PIEZO2: variants seen among roughly 807,000 people sequenced by gnomAD.
The protein encoded by PIEZO2 is piezo type mechanosensitive ion channel component 2, also known as piezo-type mechanosensitive ion channel component 2.
A neutral mutation model predicts 337.3 loss-of-function variants in PIEZO2; 172 were observed. The observed-to-expected ratio is 0.51, with a 90% CI of 0.45 to 0.58. The LOEUF (loss-of-function observed/expected upper bound fraction) is 0.58, where lower values mean the gene tolerates loss of function less well. Among genes scored for constraint, PIEZO2 ranks in the 20% least tolerant of loss-of-function variants. PIEZO2 has a pLI of 0.00. For synonymous variants in PIEZO2, 1,251 were observed against 1,228.5 expected, an observed-to-expected ratio of 1.02 and a Z score of -0.38; for missense variants, 3,028 against 3,391.3, an observed-to-expected ratio of 0.89 and a Z score of 2.66.
intron 2 of PIEZO2, among the ~76,000 whole-genome samples, chr18:11,057,760 G>A (rs1232086872): frequency 6.6e-6 from 1 of 152,210 alleles, no homozygotes; most frequent in Non-Finnish European, 1.5e-5. Context: ...AAAAATCCAT[G>A]ATTCTGTAAG....
chr18:11,041,212 A>G (rs1345815046), intron 2 of PIEZO2, among the ~76,000 whole-genome samples: 3 of 152,246 alleles, frequency 2.0e-5, no homozygotes, highest in African/African-American at 7.2e-5. Flanking sequence ...AGGGAACCCT[A>G]AACAGTCATG....
chr18:10,829,622 C>G (rs909589220), intron 7 of PIEZO2, among the ~76,000 whole-genome samples: 8 of 152,070 alleles, frequency 5.3e-5, no homozygotes, highest in Non-Finnish European at 7.4e-5. Flanking sequence ...TAAAAATCAA[C>G]ATACAAAAAT....
chr18:10,857,152 T>A lies in PIEZO2; in HGVS notation c.552A>T (p.Gly184=). 2.6e-6 allele frequency: 4 copies of A among 1,537,890 alleles called. No individual in the cohort carries two copies. Among genetic ancestry groups the A allele is most frequent in the Non-Finnish European group, 3.5e-6 (4 of 1,147,040 alleles). ...CCAACTCGCCTTCAACACCATCTCC[T>A]CCATTGAAATCCTCTTCATAGATCA... is the stretch of plus-strand genomic sequence containing the variant. ...EALIYEEDFN[G]GDGVEGELEE... The change falls in exon 6 of 56, where the codon GGA becomes GGT. Residue 184 remains glycine (G), a synonymous_variant. Transcript: ENST00000674853.
At chr18:10,681,132 T>C (rs1394970050) in intron 51 of PIEZO2, among the ~76,000 whole-genome samples, 1 of 152,220 alleles carries the variant, frequency 6.6e-6, no homozygotes, top group Non-Finnish European at 1.5e-5. Context: ...TAGAAAATCT[T>C]TGGACAACAT....
chr18:10,672,207 G>C lies in PIEZO2; in HGVS notation c.8346-428C>G, dbSNP rs1204102261. ...TCAGATTAATTTTTATAAAATTCTG[G>C]GTGAAAATCATTTCTTATGAGGCTA... is the stretch of plus-strand genomic sequence containing the variant. On this transcript the variant is annotated intron_variant, in intron 55 of 55. Coordinates refer to ENST00000674853, the MANE Select transcript of PIEZO2 (RefSeq NM_001378183.1). This position sits in a 1 kb window ranked among gnomAD's most constrained non-coding sequence, Gnocchi z 4.7. 3.9e-5 allele frequency among the ~76,000 whole-genome samples: 6 copies of C among 151,908 alleles called. No individual in the cohort carries two copies. Among genetic ancestry groups the C allele is most frequent in the Admixed American group, 1.3e-4 (2 of 15,248 alleles).
At position 10,846,036 on chromosome 18, in the gene PIEZO2, T is replaced by C. The variant is rs1021737610; in HGVS notation, c.917+9317A>G. ...GGTGTATGAAGATTGATGATGACCT[T>C]TCTGGAAAATAATTTCCCCACACAT... On this transcript the variant is annotated intron_variant, in intron 7 of 55. Transcript: ENST00000674853. The surrounding 1 kb of genome is among the most constrained non-coding windows in gnomAD (Gnocchi z 4.1). 2.0e-5 allele frequency among the ~76,000 whole-genome samples: 3 copies of C among 152,164 alleles called. No homozygotes were observed. The highest frequency in any genetic ancestry group is 7.2e-5 in the African/African-American group (3 of 41,418).
chr18:10,682,341 C>T lies in PIEZO2; in HGVS notation c.7498-49G>A. 6.8e-7 allele frequency: 1 copy of T among 1,477,686 alleles called. No homozygotes were observed. The highest frequency in any genetic ancestry group is 9.0e-7 in the Non-Finnish European group (1 of 1,107,490). 91.5% of individuals were successfully genotyped at this position (1,477,686 alleles called of 1,614,324 possible). A position where few individuals can be genotyped will look rare whatever the true frequency, so the allele number is the denominator to read the frequency against. ...GCTCAGGCTCAGGCTCAGGTGCTTTCCCGCAGGCAGCGGGATTGGGGGAGA... is the reference window on the plus strand; with the variant it reads ...GCTCAGGCTCAGGCTCAGGTGCTTTTCCGCAGGCAGCGGGATTGGGGGAGA... On this transcript the variant is annotated intron_variant, in intron 49 of 55. Coordinates refer to ENST00000674853, the MANE Select transcript of PIEZO2 (RefSeq NM_001378183.1). This position sits in a 1 kb window ranked among gnomAD's most constrained non-coding sequence, Gnocchi z 5.6.
At position 10,833,171 on chromosome 18, in the gene PIEZO2, G is replaced by A. The variant is rs1442064522; in HGVS notation, c.917+22182C>T. 6.6e-6 allele frequency among the ~76,000 whole-genome samples: 1 copy of A among 152,190 alleles called. No individual in the cohort carries two copies. Among genetic ancestry groups the A allele is most frequent in the African/African-American group, 2.4e-5 (1 of 41,444 alleles). Reference sequence around the variant, plus strand: ...GCAACACCCAAGGAACACAGTGGCAGGATGGGGCAGTCGTCATGAACATGG... The same window carrying A: ...GCAACACCCAAGGAACACAGTGGCAAGATGGGGCAGTCGTCATGAACATGG... On this transcript the variant is annotated intron_variant, in intron 7 of 55. Transcript: ENST00000674853. The surrounding 1 kb of genome is among the most constrained non-coding windows in gnomAD (Gnocchi z 4.7).
intron 2 of PIEZO2, among the ~76,000 whole-genome samples, chr18:11,050,815 T>C (rs2037497483): frequency 6.9e-6 from 1 of 144,810 alleles, no homozygotes; most frequent in Non-Finnish European, 1.5e-5. Flanking sequence ...AAATTAATAA[T>C]AAATTTTGAG....
Position 10,888,144 on chromosome 18 carries a change from CTGCAAGTAAGCACT to C in PIEZO2, c.330-16743_330-16730del, listed in dbSNP as rs1026347534. Among the ~76,000 whole-genome samples, 39 of 152,274 alleles carry C rather than the reference CTGCAAGTAAGCACT, an allele frequency of 2.6e-4. No individual in the cohort carries two copies. The highest frequency in any genetic ancestry group is 7.5e-4 in the African/African-American group (31 of 41,540). ...CCCCTAAATATGAATTGGTATTTGG[CTGCAAGTAAGCACT>C]TGCAAGTAAGCACTTCCTCTTACCT... On this transcript the variant is annotated intron_variant, in intron 4 of 55. Coordinates refer to ENST00000674853, the MANE Select transcript of PIEZO2 (RefSeq NM_001378183.1). This position sits in a 1 kb window ranked among gnomAD's most constrained non-coding sequence, Gnocchi z 4.1.
At chr18:10,744,966 C>T (rs191515703) in intron 30 of PIEZO2, among the ~76,000 whole-genome samples, 3 of 152,324 alleles carry the variant, frequency 2.0e-5, no homozygotes, top group East Asian at 1.9e-4. Context: ...GCAGAGCCCC[C>T]GCCTCCTTGG....
rs2039335545 is a variant in PIEZO2, at chr18:10,789,321, C to T, written c.1927G>A (p.Glu643Lys). The stretch of plus-strand genomic sequence containing the variant: ...TCTTCCTTCGCTTCCTCTTCTTCCT[C>T]CTCTTTGGGCTCTCCTTCCACTTGT... ...DIQVEGEPKEEEEEEAKEEKQ... is the reference protein window; with the variant it reads ...DIQVEGEPKEKEEEEAKEEKQ... Residue 643 changes from glutamate (E) to lysine (K), a missense_variant, in exon 15 of 56, where the codon GAG (glutamate) becomes AAG (lysine). This residue lies in a region of PIEZO2 where 1,925 missense variants were observed against 2,051.9 expected (regional missense o/e 0.94). Coordinates refer to ENST00000674853, the MANE Select transcript of PIEZO2 (RefSeq NM_001378183.1). 7 of 1,537,282 alleles carry T rather than the reference C, an allele frequency of 4.6e-6. No homozygotes were observed. The highest frequency in any genetic ancestry group is 6.1e-6 in the Non-Finnish European group (7 of 1,146,894).
At position 10,769,466 on chromosome 18, in the gene PIEZO2, G is replaced by A. The variant is rs146730309; in HGVS notation, c.2946+682C>T. Among the ~76,000 whole-genome samples the A allele has an allele frequency of 1.8e-4, 28 of 152,316 alleles. 1 individual carries two copies. The highest frequency in any genetic ancestry group is 6.7e-4 in the African/African-American group (28 of 41,586). On this transcript the variant is annotated intron_variant, in intron 21 of 55. Transcript: ENST00000674853. Reference sequence around the variant, plus strand: ...GTTGTGATATTTTACTGTTATATATGTAACTTTTTAAAGATTATAGGCAGT... The same window carrying A: ...GTTGTGATATTTTACTGTTATATATATAACTTTTTAAAGATTATAGGCAGT...
At position 10,943,488 on chromosome 18, in the gene PIEZO2, C is replaced by T. The variant is rs7229743; in HGVS notation, c.287-32260G>A. Among the ~76,000 whole-genome samples the T allele has an allele frequency of 0.013, 2,038 of 152,232 alleles. 47 individuals are homozygous for T. Among genetic ancestry groups the T allele is most frequent in the African/African-American group, 0.044 (1,814 of 41,538 alleles). On this transcript the variant is annotated intron_variant, in intron 3 of 55. Coordinates refer to ENST00000674853, the MANE Select transcript of PIEZO2 (RefSeq NM_001378183.1). This position sits in a 1 kb window ranked among gnomAD's most constrained non-coding sequence, Gnocchi z 4.5. ...TGCTGGATTTCAGACTTGCATGGGG[C>T]CTGTAGCACCTTAGTTTTGGCCAAT...
Position 10,767,901 on chromosome 18 carries a change from G to A in PIEZO2, c.2946+2247C>T, listed in dbSNP as rs1432801663. Among the ~76,000 whole-genome samples, 1 of 152,194 alleles carries A rather than the reference G, an allele frequency of 6.6e-6. No individual in the cohort carries two copies. The highest frequency in any genetic ancestry group is 1.5e-5 in the Non-Finnish European group (1 of 68,036). On this transcript the variant is annotated intron_variant, in intron 21 of 55. Coordinates refer to ENST00000674853, the MANE Select transcript of PIEZO2 (RefSeq NM_001378183.1). The surrounding 1 kb of genome is among the most constrained non-coding windows in gnomAD (Gnocchi z 4.2). The stretch of plus-strand genomic sequence containing the variant: ...TGGAGCCTCCAGGAGGGCAAGGGCA[G>A]GTTTACCCGCCAGTTGCCAGCCCAG...
At chr18:10,709,508 T>G (rs1211354995) in intron 39 of PIEZO2, 1 of 152,300 alleles carries the variant, frequency 6.6e-6, no homozygotes, top group Admixed American at 6.5e-5. Context: ...GTTGCCTGAT[T>G]TCCAGGCTGA....
In PIEZO2 at chr18:10,671,224, C is replaced by T. The variant is rs1168678956; in HGVS notation, c.*303G>A. On this transcript the variant is annotated 3_prime_UTR_variant, in exon 56 of 56. Transcript: ENST00000674853. ...TCTTTCTGACTCCTCTTCTGTTTCT[C>T]TTAGGGACGGGGCCCATAAATGATT... is the stretch of plus-strand genomic sequence containing the variant. 4.0e-6 allele frequency: 1 copy of T among 247,094 alleles called. No homozygotes were observed. The highest frequency in any genetic ancestry group is 2.3e-5 in the African/African-American group (1 of 43,642). 15.3% of individuals were successfully genotyped at this position (247,094 alleles called of 1,614,324 possible). A position where few individuals can be genotyped will look rare whatever the true frequency, so the allele number is the denominator to read the frequency against.
chr18:11,072,386 T>G (rs1598915250), intron 1 of PIEZO2, among the ~76,000 whole-genome samples: 2 of 152,020 alleles, frequency 1.3e-5, no homozygotes, highest in Non-Finnish European at 1.5e-5. Context: ...AAATAGAACA[T>G]TTCTCTTTTT....
chr18:11,124,708 G>A (rs1339292022), intron 1 of PIEZO2, among the ~76,000 whole-genome samples: 1 of 152,054 alleles, frequency 6.6e-6, no homozygotes, highest in Non-Finnish European at 1.5e-5. Flanking sequence ...TCAGAGAGAT[G>A]ATGAGATCAT....
Sources: gnomAD v4.1 joint callset for allele counts (sites outside exome capture counted in the v4.1 genomes callset) on GRCh38, gnomAD v4.1.1 for gene constraint, gnomAD v4.1.1 regional missense constraint, Gnocchi (gnomAD v3.1) non-coding constraint, MANE v1.5 for transcripts, NCBI Gene and HGNC (gene_info 2026-07-23, HGNC 2026-07-21) for gene names.